Variants in IFFO2 observed in about 807,000 individuals in gnomAD.
IFFO2 encodes intermediate filament family orphan 2.
A neutral mutation model predicts 53.5 loss-of-function variants in IFFO2; 19 were observed. The observed-to-expected ratio is 0.36, with a 90% CI of 0.25 to 0.52. The LOEUF is 0.52. Among genes scored for constraint, IFFO2 ranks in the 20% least tolerant of loss-of-function variants. The pLI is 0.94. For synonymous variants in IFFO2, 303 were observed against 313.6 expected, an observed-to-expected ratio of 0.97 and a Z score of 0.36; for missense variants, 570 against 727.4, an observed-to-expected ratio of 0.78 and a Z score of 2.49.
chr1:18,916,503 C>T lies in IFFO2; in HGVS notation c.1103+400G>A, dbSNP rs1020706826. ...AGTCTTGGCTGTGTGCAGTGGTTCA[C>T]GCCTGTAATCCCAGCACTTTGGGAG... On this transcript the variant is annotated intron_variant, in intron 5 of 8. Coordinates refer to ENST00000455833, the MANE Select transcript of IFFO2 (RefSeq NM_001136265.2). This position sits in a 1 kb window ranked among gnomAD's most constrained non-coding sequence, Gnocchi z 4.3. Among the ~76,000 whole-genome samples, 2 of 151,882 alleles carry T rather than the reference C, an allele frequency of 1.3e-5. No homozygotes were observed. Among genetic ancestry groups the T allele is most frequent in the Non-Finnish European group, 2.9e-5 (2 of 67,922 alleles).
At chr1:18,943,188 G>A (rs1366690303) in intron 1 of IFFO2, among the ~76,000 whole-genome samples, 1 of 151,938 alleles carries the variant, frequency 6.6e-6, no homozygotes, top group Non-Finnish European at 1.5e-5. Flanking sequence ...GCAACATAGC[G>A]AGACCCCTAT....
At chr1:18,922,150 G>A (rs1200445919) in intron 1 of IFFO2, among the ~76,000 whole-genome samples, 5 of 152,160 alleles carry the variant, frequency 3.3e-5, no homozygotes, top group East Asian at 1.9e-4. Context: ...AGGTGGGGAC[G>A]CTCCAGACTG....
At chr1:18,922,352 C>A (rs1256936714) in intron 1 of IFFO2, among the ~76,000 whole-genome samples, 1 of 152,192 alleles carries the variant, frequency 6.6e-6, no homozygotes, top group Non-Finnish European at 1.5e-5. Flanking sequence ...CCCACTGCTA[C>A]CCTCCCTACA....
chr1:18,910,224 C>T lies in IFFO2; in HGVS notation c.1448+118G>A, dbSNP rs539868598. 7.5e-5 allele frequency: 89 copies of T among 1,179,344 alleles called. No individual in the cohort carries two copies. In the East Asian group the frequency reaches 1.6e-3, roughly 21 times the overall value. 73.1% of individuals were successfully genotyped at this position (1,179,344 alleles called of 1,614,324 possible). A position where few individuals can be genotyped will look rare whatever the true frequency, so the allele number is the denominator to read the frequency against. On this transcript the variant is annotated intron_variant, in intron 8 of 8. Transcript: ENST00000455833. ...ATGGATGGATGGATGGACGGACGGA[C>T]GGACAGATGGACGGACAGAGAGACA... is the stretch of plus-strand genomic sequence containing the variant.
In IFFO2 at chr1:18,928,778, C is replaced by T. The variant is rs1181240018; in HGVS notation, c.666-7657G>A. On this transcript the variant is annotated intron_variant, in intron 1 of 8. Coordinates refer to ENST00000455833, the MANE Select transcript of IFFO2 (RefSeq NM_001136265.2). This position sits in a 1 kb window ranked among gnomAD's most constrained non-coding sequence, Gnocchi z 4.9. Reference sequence around the variant, plus strand: ...CCTTCTCTGCCCTGGGCCTCAGTCTCCCCATCTATAATAGGATCTCCCAAA... The same window carrying T: ...CCTTCTCTGCCCTGGGCCTCAGTCTTCCCATCTATAATAGGATCTCCCAAA... 6.6e-6 allele frequency among the ~76,000 whole-genome samples: 1 copy of T among 152,210 alleles called. No homozygotes were observed. The highest frequency in any genetic ancestry group is 1.5e-5 in the Non-Finnish European group (1 of 68,028).
rs560540449 is a variant in IFFO2 at position 18,909,659 on chromosome 1, G to A, written c.1448+683C>T. Among the ~76,000 whole-genome samples the A allele has an allele frequency of 9.2e-5, 14 of 152,324 alleles. No homozygotes were observed. In the South Asian group the frequency reaches 2.9e-3, roughly 32 times the overall value. On this transcript the variant is annotated intron_variant, in intron 8 of 8. Coordinates refer to ENST00000455833, the MANE Select transcript of IFFO2 (RefSeq NM_001136265.2). ...CACTCATTCTCTCCCCTGCCGCCCTGTGAAGAGGTGCCTTCTGCCATGACT... is the reference window on the plus strand; with the variant it reads ...CACTCATTCTCTCCCCTGCCGCCCTATGAAGAGGTGCCTTCTGCCATGACT...
chr1:18,941,669 C>T (rs1936524108), intron 1 of IFFO2, among the ~76,000 whole-genome samples: 2 of 152,228 alleles, frequency 1.3e-5, no homozygotes, highest in Admixed American at 6.5e-5. Flanking sequence ...CCAGAATGAG[C>T]TTGCATGTGT....
In IFFO2 at chr1:18,932,964, C is replaced by T. The variant is rs1009743459; in HGVS notation, c.666-11843G>A. Among the ~76,000 whole-genome samples, 7 of 152,234 alleles carry T rather than the reference C, an allele frequency of 4.6e-5. No individual in the cohort carries two copies. In the South Asian group the frequency reaches 1.4e-3, roughly 32 times the overall value. On this transcript the variant is annotated intron_variant, in intron 1 of 8. Coordinates refer to ENST00000455833, the MANE Select transcript of IFFO2 (RefSeq NM_001136265.2). The stretch of plus-strand genomic sequence containing the variant: ...GGGTGTTTCTGGAGACACCCAGGCC[C>T]GGCAGCCCAGAATATCTCCCACAGC...
rs61752549 is a variant in IFFO2 at position 18,910,350 on chromosome 1, G to A, written c.1440C>T (p.Ser480=). ...METCRRLIKG[S]ADRNSPSPSS... ...GGAGGATGGGCGGGTACCTGTCTGC[G>A]GAGCCTTTGATGAGCCGGCGGCAGG... Residue 480 remains serine, a synonymous_variant, in exon 8 of 9, where the codon TCC becomes TCT. Coordinates refer to ENST00000455833, the MANE Select transcript of IFFO2 (RefSeq NM_001136265.2). The A allele has an allele frequency of 4.4e-3, 7,060 of 1,609,242 alleles. 64 individuals carry two copies. Among genetic ancestry groups the A allele is most frequent in the South Asian group, 0.026 (2,363 of 90,106 alleles).
At chr1:18,953,060 G>C (rs1366475717) in intron 1 of IFFO2, among the ~76,000 whole-genome samples, 7 of 152,184 alleles carry the variant, frequency 4.6e-5, no homozygotes, top group Non-Finnish European at 8.8e-5. Context: ...GGAAACCCTG[G>C]AACCTTTCCC....
rs546554043 is a variant in IFFO2, at chr1:18,956,042, G to A, written c.291C>T (p.Arg97=). The change falls in exon 1 of 9, where the codon CGC becomes CGT. Residue 97 remains arginine, a synonymous_variant. Transcript: ENST00000455833. The surrounding 1 kb of genome is among the most constrained non-coding windows in gnomAD (Gnocchi z 6.4). ...QQQSERERRL[R]YKTFSREQAV... is the part of the protein sequence containing the mutation. The stretch of plus-strand genomic sequence containing the variant: ...CCTGCTCGCGGGAGAAGGTCTTGTA[G>A]CGCAGCCGCCGCTCGCGCTCGCTCT... The A allele has an allele frequency of 1.4e-5, 21 of 1,469,432 alleles. No individual in the cohort carries two copies. The South Asian group carries it at 2.1e-4, about 15-fold the overall frequency. 91.0% of individuals were successfully genotyped at this position (1,469,432 alleles called of 1,614,324 possible). A position where few individuals can be genotyped will look rare whatever the true frequency, so the allele number is the denominator to read the frequency against.
At chr1:18,953,011 G>A (rs566198536) in intron 1 of IFFO2, among the ~76,000 whole-genome samples, 20 of 152,340 alleles carry the variant, frequency 1.3e-4, no homozygotes, top group African/African-American at 4.6e-4. Context: ...GAAGCAAGTG[G>A]GGGTCTCTGG....
chr1:18,908,564 G>A lies in IFFO2; in HGVS notation c.1551C>T (p.Ser517=), dbSNP rs1260072274. Residue 517 remains serine, a synonymous_variant, in exon 9 of 9, where the codon AGC becomes AGT. Coordinates refer to ENST00000455833, the MANE Select transcript of IFFO2 (RefSeq NM_001136265.2). ...CAGGCTCGCAGGGCCTCAGTCATCAGCTGACCATGGGCTCCACATCCGCCT... is the reference window on the plus strand; with the variant it reads ...CAGGCTCGCAGGGCCTCAGTCATCAACTGACCATGGGCTCCACATCCGCCT... ...EREADVEPMV[S] is the part of the protein sequence containing the mutation. 2 of 1,550,414 alleles carry A rather than the reference G, an allele frequency of 1.3e-6. No homozygotes were observed. The highest frequency in any genetic ancestry group is 1.7e-6 in the Non-Finnish European group (2 of 1,145,878).
chr1:18,937,378 C>G (rs1936463553), intron 1 of IFFO2, among the ~76,000 whole-genome samples: 1 of 152,168 alleles, frequency 6.6e-6, no homozygotes, highest in Non-Finnish European at 1.5e-5. Flanking sequence ...AAATACAGCT[C>G]AAGGGGATGG....
At position 18,917,519 on chromosome 1, in the gene IFFO2, C is replaced by T. The variant is rs868559452; in HGVS notation, c.964-477G>A. 2.6e-5 allele frequency among the ~76,000 whole-genome samples: 4 copies of T among 152,158 alleles called. No individual in the cohort carries two copies. Among genetic ancestry groups the T allele is most frequent in the Non-Finnish European group, 5.9e-5 (4 of 68,028 alleles). ...GCTTCCACTCCAAGCAGACAAGCCA[C>T]GAGCAAACGAAGGCTGCGTTGGCCT... is the stretch of plus-strand genomic sequence containing the variant. On this transcript the variant is annotated intron_variant, in intron 4 of 8. Coordinates refer to ENST00000455833, the MANE Select transcript of IFFO2 (RefSeq NM_001136265.2). This position sits in a 1 kb window ranked among gnomAD's most constrained non-coding sequence, Gnocchi z 5.9.
intron 2 of IFFO2, among the ~76,000 whole-genome samples, chr1:18,920,165 C>G (rs1238581525): frequency 6.6e-6 from 1 of 152,134 alleles, no homozygotes; most frequent in Non-Finnish European, 1.5e-5. Flanking sequence ...TGTGTGTCCA[C>G]ACAGACAAGA....
At chr1:18,912,999 T>C (rs1936063430) in intron 5 of IFFO2, among the ~76,000 whole-genome samples, 1 of 152,218 alleles carries the variant, frequency 6.6e-6, no homozygotes. Context: ...AGGCTGAGTC[T>C]GTAGGAGTGA....
intron 1 of IFFO2, among the ~76,000 whole-genome samples, chr1:18,935,864 A>ATTTTTTTTTT (rs757253270): frequency 2.4e-4 from 23 of 95,416 alleles, no homozygotes; most frequent in African/African-American, 5.7e-4. Flanking sequence ...TAATTTTTCT[A>ATTTTTTTTTT]TTTTTTTTTT....
At chr1:18,938,185 T>C (rs1169757982) in intron 1 of IFFO2, among the ~76,000 whole-genome samples, 1 of 152,234 alleles carries the variant, frequency 6.6e-6, no homozygotes, top group Admixed American at 6.5e-5. Context: ...CTAAAGCGAC[T>C]TTACCTCTCT....
Sources: allele counts gnomAD v4.1 joint callset (sites outside exome capture counted in the v4.1 genomes callset), GRCh38; gene constraint gnomAD v4.1.1; non-coding constraint Gnocchi (gnomAD v3.1); transcripts MANE v1.5; gene names NCBI Gene and HGNC (gene_info 2026-07-23, HGNC 2026-07-21).